The following TCF7 variants were observed in gnomAD, a reference collection of about 807,000 sequenced individuals.
The protein encoded by TCF7 is T-cell-factor-7.
TCF7 carries 19 observed loss-of-function variants against 46.8 expected under a neutral mutation model. The ratio of observed to expected loss-of-function variants is 0.41; its 90% CI spans 0.28 to 0.60. TCF7 has a LOEUF of 0.60. TCF7 is among the 20% of genes least tolerant of loss of function. The pLI, the probability that TCF7 is intolerant of heterozygous loss-of-function variation, is 0.35. For missense variants in TCF7, 547 were observed against 504.6 expected (o/e 1.08, Z -0.81); for synonymous variants, 245 against 213.4 (o/e 1.15, Z -1.29).
At chr5:134,111,503 A>G (rs149382822), upstream of TCF7, among the ~76,000 whole-genome samples, 84 of 152,240 alleles carry the variant, frequency 5.5e-4, no homozygotes, top group Middle Eastern at 0.014. Context: ...ATCTGAGCCA[A>G]TTCCCAGAAC....
At chr5:134,111,437 C>T (rs527502333), upstream of TCF7, among the ~76,000 whole-genome samples, 1 of 152,174 alleles carries the variant, frequency 6.6e-6, no homozygotes, top group Non-Finnish European at 1.5e-5. Flanking sequence ...GCAACCACAG[C>T]AGATTGCACT....
chr5:134,142,618 G>T, intron 6 of TCF7, 103 bp from the exon 7 acceptor site: 2 of 1,442,086 alleles, frequency 1.4e-6, no homozygotes, highest in Non-Finnish European at 1.9e-6. Flanking sequence ...GAAAACTCTG[G>T]TATCATACAC....
At chr5:134,134,836 C>A (rs1758629137) in intron 3 of TCF7, among the ~76,000 whole-genome samples, 1 of 152,240 alleles carries the variant, frequency 6.6e-6, no homozygotes, top group Admixed American at 6.5e-5. Context: ...AGCATTATCA[C>A]TGGAGTAAAT....
At position 134,142,209 on chromosome 5, in the gene TCF7, A is replaced by G. The variant is rs1580891573; in HGVS notation, c.660A>G (p.Leu220=). Residue 220 remains leucine (L), a synonymous_variant, in exon 6 of 10, where the codon CTA becomes CTG. Transcript: ENST00000342854. ...GGTTCACCCACCCATCCTTGATGCT[A>G]GGTTCTGGTGTACCTGGTCACCCAG... is the stretch of plus-strand genomic sequence containing the variant. ...VSWFTHPSLM[L]GSGVPGHPAA... The G allele has an allele frequency of 6.2e-7, 1 of 1,613,806 alleles. No homozygotes were observed.
At chr5:134,132,876 T>C (rs919741962) in intron 3 of TCF7, among the ~76,000 whole-genome samples, 11 of 152,154 alleles carry the variant, frequency 7.2e-5, no homozygotes, top group African/African-American at 2.4e-4. Flanking sequence ...TCTGGGCTCC[T>C]GTCTGGTAAA....
chr5:134,138,690 T>C, intron 4 of TCF7: 2 of 483,744 alleles, frequency 4.1e-6, no homozygotes, highest in Non-Finnish European at 7.4e-6. Flanking sequence ...AATGCCTCCA[T>C]GCCTGAGTGA....
At chr5:134,111,308 C>T (rs757001870), upstream of TCF7, among the ~76,000 whole-genome samples, 7 of 152,168 alleles carry the variant, frequency 4.6e-5, no homozygotes, top group Non-Finnish European at 7.3e-5. Context: ...AGCTCATTTG[C>T]GTGAAGATGA....
At chr5:134,145,080 G>A in intron 9 of TCF7, 1 of 640,480 alleles carries the variant, frequency 1.6e-6, no homozygotes, top group Non-Finnish European at 2.8e-6. Context: ...GAGGATTGGA[G>A]AGAAAGACAC....
At chr5:134,138,894 G>A in intron 4 of TCF7, 57 bp from the exon 5 acceptor site, 3 of 1,605,158 alleles carry the variant, frequency 1.9e-6, no homozygotes, top group Non-Finnish European at 2.6e-6. Flanking sequence ...TGCAGTAACT[G>A]CTGATATGGC....
chr5:134,122,256 G>A (rs1201279029), intron 3 of TCF7, among the ~76,000 whole-genome samples: 1 of 152,114 alleles, frequency 6.6e-6, no homozygotes, highest in Non-Finnish European at 1.5e-5. Context: ...ATTTAGGGCG[G>A]TTTGCCCCTC....
chr5:134,134,535 T>C (rs754422314), intron 3 of TCF7, among the ~76,000 whole-genome samples: 7 of 152,204 alleles, frequency 4.6e-5, no homozygotes, highest in Non-Finnish European at 7.4e-5. Flanking sequence ...TGGCTGGTGT[T>C]ATTCTAGGAA....
At chr5:134,122,856 G>C (rs1479291820) in intron 3 of TCF7, among the ~76,000 whole-genome samples, 3 of 152,218 alleles carry the variant, frequency 2.0e-5, no homozygotes, top group Non-Finnish European at 4.4e-5. Context: ...TCCTGCTGCA[G>C]GTGGGGACAG....
chr5:134,143,176 T>G (rs973271127), intron 8 of TCF7, 76 bp downstream of exon 8: 2 of 1,450,188 alleles, frequency 1.4e-6, no homozygotes, highest in South Asian at 2.4e-5. Context: ...ACAATCTCAG[T>G]AAGGAACGCA....
intron 9 of TCF7, chr5:134,145,092 G>A (rs1760491126): frequency 3.1e-6 from 2 of 639,132 alleles, no homozygotes; most frequent in South Asian, 3.3e-5. Context: ...GAAAGACACA[G>A]AATGTTCCAG....
intron 3 of TCF7, among the ~76,000 whole-genome samples, chr5:134,130,585 A>G (rs1043976883): frequency 6.6e-6 from 1 of 152,204 alleles, no homozygotes; most frequent in African/African-American, 2.4e-5. Context: ...ATGTGAATTA[A>G]TGGCAGCCCT....
chr5:134,110,984 C>T, upstream of TCF7, among the ~76,000 whole-genome samples: 1 of 152,198 alleles, frequency 6.6e-6, no homozygotes, highest in South Asian at 2.1e-4. Flanking sequence ...AAAAATATCT[C>T]GTTCAAGAGC....
At chr5:134,145,477 T>C (rs1161212160) in intron 9 of TCF7, 4 of 563,582 alleles carry the variant, frequency 7.1e-6, no homozygotes, top group African/African-American at 1.9e-5. Context: ...GAAATACTTG[T>C]GGGTGTGACA....
At position 134,146,547 on chromosome 5, in the gene TCF7, C is replaced by A. The variant is rs1444305871; in HGVS notation, c.*244C>A. On this transcript the variant is annotated 3_prime_UTR_variant, in exon 10 of 10. Transcript: ENST00000342854. ...CAGGCACAGGACACCTGGCCGCCTC[C>A]AGGAGCCTACCCCCTGAAAGTGACA... is the stretch of plus-strand genomic sequence containing the variant. 1 of 717,016 alleles carries A rather than the reference C, an allele frequency of 1.4e-6. No individual in the cohort carries two copies. Among genetic ancestry groups the A allele is most frequent in the South Asian group, 1.5e-5 (1 of 67,438 alleles). The allele number at this position is 717,016 out of a possible 1,614,324, so 44.4% of individuals were successfully genotyped here.
At chr5:134,134,257 C>T (rs1052840708) in intron 3 of TCF7, among the ~76,000 whole-genome samples, 1 of 152,282 alleles carries the variant, frequency 6.6e-6, no homozygotes, top group Non-Finnish European at 1.5e-5. Context: ...TGGCTCAGCT[C>T]CTTAGGCTTC....
Sources: gnomAD v4.1 joint callset for allele counts (sites outside exome capture counted in the v4.1 genomes callset) on GRCh38, gnomAD v4.1.1 for gene constraint, MANE v1.5 for transcripts, NCBI Gene and HGNC (gene_info 2026-07-23, HGNC 2026-07-21) for gene names.